The following CTNND2 variants were observed in gnomAD, a reference collection of about 807,000 sequenced individuals.
CTNND2 encodes catenin delta-2.
Under a neutral mutation model 144.4 loss-of-function variants are expected in CTNND2, and 22 were observed. That is an observed-to-expected ratio of 0.15 (90% CI 0.11 to 0.22). The LOEUF (loss-of-function observed/expected upper bound fraction) is 0.22, where lower values mean the gene tolerates loss of function less well. Ranked by LOEUF, CTNND2 falls within the 10% of genes least tolerant of loss-of-function variation. The pLI, the probability that CTNND2 is intolerant of heterozygous loss-of-function variation, is 1.00. For missense variants in CTNND2, 1,353 were observed against 1,618.8 expected (o/e 0.84, Z 2.82); for synonymous variants, 751 against 695.6 (o/e 1.08, Z -1.25).
intron 2 of CTNND2, among the ~76,000 whole-genome samples, chr5:11,692,050 G>T (rs1422963153): frequency 6.6e-6 from 1 of 151,986 alleles, no homozygotes; most frequent in Non-Finnish European, 1.5e-5. Context: ...ATTGAAACTG[G>T]TTTAAAAAAA....
intron 3 of CTNND2, among the ~76,000 whole-genome samples, chr5:11,442,824 T>C (rs1020372496): frequency 1.4e-5 from 2 of 144,128 alleles, no homozygotes; most frequent in African/African-American, 2.5e-5. Flanking sequence ...TAATATATAA[T>C]GATTATATTA....
intron 9 of CTNND2, among the ~76,000 whole-genome samples, chr5:11,262,694 A>T (rs549503910): frequency 7.2e-6 from 1 of 139,444 alleles, no homozygotes; most frequent in Non-Finnish European, 1.5e-5. Context: ...CCCAGGAGGC[A>T]GAGGTTGCAG....
intron 20 of CTNND2, among the ~76,000 whole-genome samples, chr5:10,983,274 C>G (rs920193610): frequency 1.3e-5 from 2 of 152,004 alleles, no homozygotes; most frequent in African/African-American, 4.8e-5. Context: ...TAAGTAAGTA[C>G]AACTATTATG....
At chr5:11,370,837 G>A (rs1757404282) in intron 7 of CTNND2, among the ~76,000 whole-genome samples, 1 of 152,196 alleles carries the variant, frequency 6.6e-6, no homozygotes, top group Non-Finnish European at 1.5e-5. Context: ...CATAGCCAGA[G>A]TGAGCAGGCT....
chr5:11,181,775 T>A (rs1225726325), intron 11 of CTNND2, among the ~76,000 whole-genome samples: 2 of 139,586 alleles, frequency 1.4e-5, no homozygotes, highest in African/African-American at 5.4e-5. Context: ...TGTGTGTGTG[T>A]CTGTGTGTGT....
intron 11 of CTNND2, among the ~76,000 whole-genome samples, chr5:11,198,795 A>G (rs1737127354): frequency 6.6e-6 from 1 of 152,210 alleles, no homozygotes; most frequent in South Asian, 2.1e-4. Context: ...AAAGGGAGGG[A>G]TGACAGCTTA....
At chr5:11,217,089 A>G (rs181786421) in intron 10 of CTNND2, among the ~76,000 whole-genome samples, 147 of 152,294 alleles carry the variant, frequency 9.7e-4, no homozygotes, top group Admixed American at 3.5e-3. Context: ...TCTTGACTCA[A>G]TGGTCAACTC....
chr5:11,062,828 C>T (rs567791415), intron 16 of CTNND2, among the ~76,000 whole-genome samples: 6 of 152,364 alleles, frequency 3.9e-5, no homozygotes, highest in Admixed American at 6.5e-5. Context: ...CATGTTCTTT[C>T]ACACGTTCCC....
intron 3 of CTNND2, among the ~76,000 whole-genome samples, chr5:11,524,966 C>A (rs1224595868): frequency 6.6e-6 from 1 of 152,090 alleles, no homozygotes; most frequent in African/African-American, 2.4e-5. Context: ...TCTCAAAATT[C>A]TTTGTATGAT....
chr5:11,248,761 C>G (rs1580705403), intron 9 of CTNND2, among the ~76,000 whole-genome samples: 1 of 152,198 alleles, frequency 6.6e-6, no homozygotes, highest in Admixed American at 6.5e-5. Flanking sequence ...GAAGTGAGAA[C>G]GTGTCCTGAA....
At chr5:11,008,242 C>G (rs182762462) in intron 18 of CTNND2, among the ~76,000 whole-genome samples, 42 of 152,270 alleles carry the variant, frequency 2.8e-4, no homozygotes, top group Non-Finnish European at 5.6e-4. Flanking sequence ...AATATGCTAC[C>G]TTAAATGGCC....
intron 12 of CTNND2, among the ~76,000 whole-genome samples, chr5:11,131,022 T>C (rs1755543748): frequency 6.6e-6 from 1 of 152,308 alleles, no homozygotes; most frequent in East Asian, 1.9e-4. Context: ...TTGCCAGCCA[T>C]GGCCAGTTAC....
chr5:11,045,131 T>C (rs1237495803), intron 16 of CTNND2, among the ~76,000 whole-genome samples: 1 of 152,256 alleles, frequency 6.6e-6, no homozygotes, highest in East Asian at 1.9e-4. Context: ...TGGTGGCTCC[T>C]GACATTTACT....
intron 2 of CTNND2, among the ~76,000 whole-genome samples, chr5:11,630,648 T>C (rs1249182692): frequency 6.6e-6 from 1 of 152,138 alleles, no homozygotes; most frequent in Non-Finnish European, 1.5e-5. Flanking sequence ...TCCTACTTCT[T>C]AGGATATCTT....
intron 3 of CTNND2, among the ~76,000 whole-genome samples, chr5:11,435,578 G>T (rs2149882378): frequency 6.6e-6 from 1 of 152,322 alleles, no homozygotes; most frequent in South Asian, 2.1e-4. Flanking sequence ...ATGCTGCTGT[G>T]TTCCCATACA....
At chr5:11,726,548 G>A (rs570466664) in intron 2 of CTNND2, among the ~76,000 whole-genome samples, 2 of 151,998 alleles carry the variant, frequency 1.3e-5, no homozygotes, top group South Asian at 2.1e-4. Flanking sequence ...CATGAATTAC[G>A]CCTTTATAGT....
chr5:11,555,174 CTGGTTT>C (rs1484324755), intron 3 of CTNND2, among the ~76,000 whole-genome samples: 1 of 152,128 alleles, frequency 6.6e-6, no homozygotes, highest in African/African-American at 2.4e-5. Context: ...GTGCTGGCCA[CTGGTTT>C]CGCATATGCT....
At chr5:11,795,903 G>A (rs1023509422) in intron 1 of CTNND2, among the ~76,000 whole-genome samples, 1 of 152,200 alleles carries the variant, frequency 6.6e-6, no homozygotes, top group Non-Finnish European at 1.5e-5. Context: ...GGCCTCAGCA[G>A]GCCATATCAA....
chr5:11,215,081 A>C (rs1267467533), intron 10 of CTNND2, among the ~76,000 whole-genome samples: 1 of 152,192 alleles, frequency 6.6e-6, no homozygotes, highest in Non-Finnish European at 1.5e-5. Context: ...CAGACATTCC[A>C]TATATCCATG....
Sources: gnomAD v4.1 joint callset for allele counts (sites outside exome capture counted in the v4.1 genomes callset) on GRCh38, gnomAD v4.1.1 for gene constraint, MANE v1.5 for transcripts, NCBI Gene and HGNC (gene_info 2026-07-23, HGNC 2026-07-21) for gene names.